ASCC3: variants seen among roughly 807,000 people sequenced by gnomAD.
ASCC3 encodes the protein activating signal cointegrator 1 complex subunit 3.
In ASCC3, 158 loss-of-function variants were observed where a neutral mutation model predicts 256.3. That is an observed-to-expected ratio of 0.62 (90% confidence interval 0.54 to 0.70). The LOEUF (loss-of-function observed/expected upper bound fraction) is 0.70. Ranked by LOEUF, ASCC3 falls within the 30% of genes least tolerant of loss-of-function variation. ASCC3 has a pLI of 0.00. For missense variants in ASCC3, 2,259 were observed against 2,626.0 expected, an observed-to-expected ratio of 0.86 and a Z score of 3.05; for synonymous variants, 948 against 883.4, an observed-to-expected ratio of 1.07 and a Z score of -1.30.
At position 100,590,052 on chromosome 6, in the gene ASCC3, T is replaced by C; in HGVS notation, c.5311A>G (p.Asn1771Asp). The change falls in exon 35 of 42, where the codon AAT becomes GAT. Residue 1771 changes from asparagine (N) to aspartate (D), a missense_variant. Around this residue, in one of 2 missense-constraint regions of ASCC3, gnomAD observed 1,839 missense variants for 2,206.7 expected, o/e 0.83. Transcript: ENST00000369162. ...RRLIMNPSYYNLGDVSHDSVN... is the reference protein window; with the variant it reads ...RRLIMNPSYYDLGDVSHDSVN... Reference sequence around the variant, plus strand: ...GAATCATGGCTCACATCACCCAAATTGTAATAGCTAGAAAACAAGCAAGGT... The same window carrying C: ...GAATCATGGCTCACATCACCCAAATCGTAATAGCTAGAAAACAAGCAAGGT... The C allele has an allele frequency of 6.2e-7, 1 of 1,609,596 alleles. No individual in the cohort carries two copies. The highest frequency in any genetic ancestry group is 8.5e-7 in the Non-Finnish European group (1 of 1,176,112).
chr6:100,562,868 A>C (rs752092159), intron 36 of ASCC3, among the ~76,000 whole-genome samples: 2 of 152,088 alleles, frequency 1.3e-5, no homozygotes, highest in Non-Finnish European at 2.9e-5. Flanking sequence ...TAGCAGTGTT[A>C]GGGAATGCCC....
At chr6:100,867,499 C>T (rs1773534899) in intron 2 of ASCC3, among the ~76,000 whole-genome samples, 1 of 152,022 alleles carries the variant, frequency 6.6e-6, no homozygotes, top group Non-Finnish European at 1.5e-5. Context: ...ATTCATATTT[C>T]TCATAAGGTA....
intron 8 of ASCC3, among the ~76,000 whole-genome samples, chr6:100,771,923 A>C (rs1582839994): frequency 8.5e-6 from 1 of 118,026 alleles, no homozygotes; most frequent in Admixed American, 1.2e-4. Flanking sequence ...TCTGTCCCCC[A>C]GGCTGAGTTG....
intron 4 of ASCC3, among the ~76,000 whole-genome samples, chr6:100,815,027 A>G (rs565173760): frequency 4.6e-5 from 7 of 152,126 alleles, no homozygotes; most frequent in South Asian, 4.1e-4. Flanking sequence ...TTGTGATGTT[A>G]GGTTGTTAAA....
Position 100,607,050 on chromosome 6 carries a change from G to A in ASCC3, c.4824C>T (p.Leu1608=). 1.2e-6 allele frequency: 2 copies of A among 1,613,640 alleles called. No homozygotes were observed. Among genetic ancestry groups the A allele is most frequent in the East Asian group, 2.2e-5 (1 of 44,800 alleles). Residue 1608 remains leucine (L), a synonymous_variant, in exon 31 of 42, where the codon CTC becomes CTT. Transcript: ENST00000369162. Reference sequence around the variant, plus strand: ...CTATCCCGAAAGCAAGGGTCAGCTTGAGGTTGGAATCTCTTACTGTTGCAA... The same window carrying A: ...CTATCCCGAAAGCAAGGGTCAGCTTAAGGTTGGAATCTCTTACTGTTGCAA... ...NIIATVRDSN[L]KLTLAFGIGM... is the part of the protein sequence containing the mutation.
chr6:100,578,975 C>T (rs1771036004), intron 36 of ASCC3, among the ~76,000 whole-genome samples: 1 of 152,112 alleles, frequency 6.6e-6, no homozygotes, highest in Admixed American at 6.6e-5. Flanking sequence ...TTCTCTGCAT[C>T]CTCACCAGCA....
chr6:100,776,443 C>T (rs1782192165), intron 8 of ASCC3, among the ~76,000 whole-genome samples: 1 of 152,066 alleles, frequency 6.6e-6, no homozygotes, highest in Non-Finnish European at 1.5e-5. Context: ...TCTACATCCA[C>T]TTTATACATA....
chr6:100,712,751 CTTTTTTTTTTTTT>C (rs58286754), intron 13 of ASCC3, among the ~76,000 whole-genome samples: 1 of 69,738 alleles, frequency 1.4e-5, no homozygotes, highest in Admixed American at 2.1e-4. Context: ...CAATTATACT[CTTTTTTTTTTTTT>C]TTTTTTTTTT....
chr6:100,596,776 C>T (rs572939850), intron 34 of ASCC3, among the ~76,000 whole-genome samples: 7 of 152,248 alleles, frequency 4.6e-5, no homozygotes, highest in Admixed American at 2.0e-4. Context: ...ACCTGACTTA[C>T]GGCATAAATA....
At chr6:100,720,528 C>T (rs1030497894) in intron 11 of ASCC3, among the ~76,000 whole-genome samples, 6 of 151,728 alleles carry the variant, frequency 4.0e-5, no homozygotes, top group South Asian at 2.1e-4. Flanking sequence ...AGATTAGTTT[C>T]GTTTTTGAAA....
chr6:100,583,303 G>C (rs1771423883), intron 36 of ASCC3, among the ~76,000 whole-genome samples: 1 of 152,078 alleles, frequency 6.6e-6, no homozygotes, highest in Non-Finnish European at 1.5e-5. Context: ...CTTCTTCCTG[G>C]TTTAGTCTTG....
intron 13 of ASCC3, among the ~76,000 whole-genome samples, chr6:100,712,335 A>T (rs1778888560): frequency 6.6e-6 from 1 of 152,190 alleles, no homozygotes; most frequent in South Asian, 2.1e-4. Context: ...GAAGACAAGT[A>T]ACAGACTGGA....
At position 100,590,043 on chromosome 6, in the gene ASCC3, C is replaced by A; in HGVS notation, c.5320G>T (p.Asp1774Tyr). ...TTGTTCACAGAATCATGGCTCACAT[C>A]ACCCAAATTGTAATAGCTAGAAAAC... ...IMNPSYYNLG[D>Y]VSHDSVNKFL... is the part of the protein sequence containing the mutation. Residue 1774 changes from aspartate (D) to tyrosine (Y), a missense_variant, in exon 35 of 42, where the codon GAT becomes TAT. Transcript: ENST00000369162. 6.2e-7 allele frequency: 1 copy of A among 1,612,818 alleles called. No individual in the cohort carries two copies. Among genetic ancestry groups the A allele is most frequent in the East Asian group, 2.2e-5 (1 of 44,812 alleles).
At chr6:100,773,914 T>G (rs1209463137) in intron 8 of ASCC3, among the ~76,000 whole-genome samples, 4 of 152,194 alleles carry the variant, frequency 2.6e-5, no homozygotes, top group African/African-American at 9.6e-5. Flanking sequence ...AAAAGCCCTA[T>G]ATTCAACTTT....
At chr6:100,685,663 A>G (rs1309892662) in intron 13 of ASCC3, among the ~76,000 whole-genome samples, 1 of 152,248 alleles carries the variant, frequency 6.6e-6, no homozygotes, top group Non-Finnish European at 1.5e-5. Flanking sequence ...AGAAGTGGGA[A>G]AACAGTGTTG....
intron 4 of ASCC3, among the ~76,000 whole-genome samples, chr6:100,818,550 C>T (rs1232367045): frequency 7.8e-6 from 1 of 127,510 alleles, no homozygotes; most frequent in African/African-American, 3.1e-5. Flanking sequence ...GCCTGGATGA[C>T]AGGGCAAGAC....
intron 8 of ASCC3, among the ~76,000 whole-genome samples, chr6:100,769,440 G>T (rs571866588): frequency 6.6e-6 from 1 of 151,522 alleles, no homozygotes; most frequent in Non-Finnish European, 1.5e-5. Context: ...TGATCATTGC[G>T]CAGAATATAC....
chr6:100,757,773 A>T (rs1477132173), intron 10 of ASCC3, among the ~76,000 whole-genome samples: 1 of 152,202 alleles, frequency 6.6e-6, no homozygotes, highest in Admixed American at 6.5e-5. Context: ...ATCAGGAAAG[A>T]GCTGGCAGGG....
At chr6:100,728,285 G>A (rs1779732847) in intron 10 of ASCC3, among the ~76,000 whole-genome samples, 2 of 151,930 alleles carry the variant, frequency 1.3e-5, no homozygotes, top group Non-Finnish European at 2.9e-5. Context: ...ACAGAGAGAA[G>A]TGACATCACT....
Sources: allele counts gnomAD v4.1 joint callset (sites outside exome capture counted in the v4.1 genomes callset), GRCh38; gene constraint gnomAD v4.1.1; regional missense constraint gnomAD v4.1.1; transcripts MANE v1.5; gene names NCBI Gene and HGNC (gene_info 2026-07-23, HGNC 2026-07-21).